Variants in KLHDC4 observed in about 807,000 individuals in gnomAD.
KLHDC4 encodes the protein kelch domain containing 4.
A neutral mutation model predicts 62.4 loss-of-function variants in KLHDC4; 90 were observed. That is an observed-to-expected ratio of 1.44 (90% confidence interval 1.22 to 1.72). The LOEUF (loss-of-function observed/expected upper bound fraction) is 1.72, where lower values mean the gene tolerates loss of function less well. KLHDC4 is among the 40% of genes most tolerant of loss of function. The pLI is 0.00. For synonymous variants in KLHDC4, 386 were observed against 284.4 expected (o/e 1.36, Z -3.59); for missense variants, 1,025 against 699.7 (o/e 1.47, Z -5.25).
At chr16:87,756,273 C>T (rs1357923734) in intron 3 of KLHDC4, 126 bp downstream of exon 3, 35 of 691,162 alleles carry the variant, frequency 5.1e-5, no homozygotes, top group East Asian at 2.2e-4. Flanking sequence ...TCAGGCCTGA[C>T]GGCTCAAGCG....
chr16:87,724,410 A>G (rs1284621745), intron 7 of KLHDC4, among the ~76,000 whole-genome samples: 1 of 152,212 alleles, frequency 6.6e-6, no homozygotes, highest in Admixed American at 6.5e-5. Context: ...ATCAACAAAC[A>G]CTTCGGAAGG....
chr16:87,738,194 G>A (rs1040152511), intron 5 of KLHDC4, among the ~76,000 whole-genome samples: 8 of 152,264 alleles, frequency 5.3e-5, no homozygotes, highest in Non-Finnish European at 1.0e-4. Flanking sequence ...CTAACTCGTT[G>A]CGGTCCTTCA....
At chr16:87,722,264 G>A (rs562286563) in intron 7 of KLHDC4, among the ~76,000 whole-genome samples, 19 of 152,326 alleles carry the variant, frequency 1.2e-4, no homozygotes, top group Middle Eastern at 3.4e-3. Flanking sequence ...CCGGTTCTTC[G>A]TGGCAGCGCA....
At chr16:87,711,620 A>C (rs1435577312) in intron 8 of KLHDC4, among the ~76,000 whole-genome samples, 177 bp from the exon 9 acceptor site, 1 of 152,180 alleles carries the variant, frequency 6.6e-6, no homozygotes, top group Non-Finnish European at 1.5e-5. Flanking sequence ...ACTCCCCTCG[A>C]GTTCCACCCT....
downstream of KLHDC4, among the ~76,000 whole-genome samples, chr16:87,705,648 G>C (rs528531929): frequency 5.3e-5 from 8 of 152,350 alleles, no homozygotes; most frequent in Non-Finnish European, 8.8e-5. Context: ...AAGAAAAACT[G>C]TCTCTCATAA....
chr16:87,717,657 G>A (rs886823846), intron 7 of KLHDC4, among the ~76,000 whole-genome samples: 3 of 152,214 alleles, frequency 2.0e-5, no homozygotes, highest in African/African-American at 7.2e-5. Flanking sequence ...GAAAATGGCT[G>A]TCATTTCCAT....
chr16:87,700,198 A>G (rs575914365), exon 1 of KLHDC4: 1 of 153,680 alleles, frequency 6.5e-6, no homozygotes. Context: ...GGTCATGCTC[A>G]CTTTCTCTGA....
downstream of KLHDC4, among the ~76,000 whole-genome samples, chr16:87,706,279 G>A (rs1219310810): frequency 6.2e-5 from 8 of 129,816 alleles, no homozygotes; most frequent in South Asian, 1.4e-3. Context: ...GGTCGGTGGC[G>A]GGGAGGGGGG....
At chr16:87,748,875 C>A in intron 4 of KLHDC4, 66 bp from the exon 5 acceptor site, 1 of 1,595,280 alleles carries the variant, frequency 6.3e-7, no homozygotes, top group South Asian at 1.1e-5. Context: ...TCATGGGTGA[C>A]CGGTAGTGGT....
chr16:87,755,076 C>A (rs1597372967), intron 4 of KLHDC4, 118 bp downstream of exon 4: 3 of 638,742 alleles, frequency 4.7e-6, no homozygotes, highest in East Asian at 2.8e-5. Flanking sequence ...CAGAACCAGG[C>A]GATCTACAGG....
At chr16:87,711,932 G>T (rs2035948777) in intron 8 of KLHDC4, among the ~76,000 whole-genome samples, 5 of 119,106 alleles carry the variant, frequency 4.2e-5, no homozygotes, top group Non-Finnish European at 7.9e-5. Context: ...AGCCCCCCTT[G>T]GGCCTGCACG....
intron 5 of KLHDC4, among the ~76,000 whole-genome samples, chr16:87,748,415 G>A (rs953953636): frequency 2.6e-5 from 4 of 152,340 alleles, no homozygotes; most frequent in East Asian, 3.9e-4. Context: ...CACAGGCAGC[G>A]AGAGGCTGGT....
chr16:87,727,940 CTT>C (rs1401463511), intron 6 of KLHDC4, among the ~76,000 whole-genome samples: 1 of 152,146 alleles, frequency 6.6e-6, no homozygotes, highest in Non-Finnish European at 1.5e-5. Context: ...AATCCCAGCA[CTT>C]TGGGAGTCTC....
intron 7 of KLHDC4, among the ~76,000 whole-genome samples, chr16:87,719,477 G>A (rs143401043): frequency 0.029 from 4,379 of 152,190 alleles, 213 homozygotes; most frequent in African/African-American, 0.099. Flanking sequence ...CAGCATACTC[G>A]TTAAGAGTCA....
chr16:87,710,950 C>A, intron 9 of KLHDC4: 1 of 416,040 alleles, frequency 2.4e-6, no homozygotes, highest in East Asian at 4.3e-5. Flanking sequence ...CCAGCAAACC[C>A]TTCTCACACA....
In KLHDC4 at chr16:87,714,494, C is replaced by G. The variant is rs550320075; in HGVS notation, c.835+4G>C. 1.9e-6 allele frequency: 3 copies of G among 1,614,134 alleles called. No homozygotes were observed. In the South Asian group the frequency reaches 3.3e-5, roughly 18 times the overall value. ...CTCCCGCCCTGGAGGCACAGCACCTCTACCTTCTCTTCCGTCCTCTGGCTT... is the reference window on the plus strand; with the variant it reads ...CTCCCGCCCTGGAGGCACAGCACCTGTACCTTCTCTTCCGTCCTCTGGCTT... On this transcript the variant is annotated splice_donor_region_variant and intron_variant, in intron 8 of 11. Coordinates refer to ENST00000270583, the MANE Select transcript of KLHDC4 (RefSeq NM_017566.4).
At chr16:87,759,647 G>A (rs1261263772) in intron 2 of KLHDC4, among the ~76,000 whole-genome samples, 1 of 150,386 alleles carries the variant, frequency 6.6e-6, no homozygotes, top group Non-Finnish European at 1.5e-5. Flanking sequence ...TCCGGAGGCT[G>A]AGGCAGGAGA....
At chr16:87,722,947 G>A (rs577333814) in intron 7 of KLHDC4, among the ~76,000 whole-genome samples, 1 of 152,332 alleles carries the variant, frequency 6.6e-6, no homozygotes, top group East Asian at 1.9e-4. Context: ...AGCATGGACG[G>A]GGCCTGCGTG....
At chr16:87,758,356 C>T (rs192266045) in intron 2 of KLHDC4, among the ~76,000 whole-genome samples, 57 of 152,246 alleles carry the variant, frequency 3.7e-4, no homozygotes, top group African/African-American at 1.2e-3. Context: ...TACCCACAGA[C>T]GGAACAGGAT....
Sources: allele counts gnomAD v4.1 joint callset (sites outside exome capture counted in the v4.1 genomes callset), GRCh38; gene constraint gnomAD v4.1.1; transcripts MANE v1.5; gene names NCBI Gene and HGNC (gene_info 2026-07-23, HGNC 2026-07-21).